Variants in EEF2 observed in about 807,000 individuals in gnomAD.
EEF2 encodes elongation factor 2.
A neutral mutation model predicts 85.3 loss-of-function variants in EEF2; 21 were observed. That is an observed-to-expected ratio of 0.25 (90% CI 0.17 to 0.35). The LOEUF (loss-of-function observed/expected upper bound fraction) is 0.35, where lower values mean the gene tolerates loss of function less well. Ranked by LOEUF, EEF2 falls within the 10% of genes least tolerant of loss-of-function variation. EEF2 has a pLI of 1.00. For synonymous variants in EEF2, 723 were observed against 508.8 expected (o/e 1.42, Z -5.67); for missense variants, 825 against 1,225.3 (o/e 0.67, Z 4.88).
Position 3,984,049 on chromosome 19 carries a change from G to A in EEF2, c.218+87C>T, listed in dbSNP as rs974914795. On this transcript the variant is annotated intron_variant, in intron 2 of 14. Transcript: ENST00000309311. ...AACCAGGGGAAAGAGACGTTGCCAA[G>A]TCTCTCCCCGCGCACCCTGGCCCAG... 1.7e-5 allele frequency: 24 copies of A among 1,440,390 alleles called. No individual in the cohort carries two copies. The Admixed American group carries it at 3.8e-4, about 23-fold the overall frequency. 89.2% of individuals were successfully genotyped at this position (1,440,390 alleles called of 1,614,324 possible). A position where few individuals can be genotyped will look rare whatever the true frequency, so the allele number is the denominator to read the frequency against.
At position 3,977,827 on chromosome 19, in the gene EEF2, T is replaced by A. The variant is rs751952139; in HGVS notation, c.2059A>T (p.Thr687Ser). The A allele has an allele frequency of 2.5e-6, 4 of 1,579,280 alleles. No individual in the cohort carries two copies. The highest frequency in any genetic ancestry group is 2.6e-6 in the Non-Finnish European group (3 of 1,157,432). Residue 687 changes from threonine to serine, a missense_variant, in exon 12 of 15, where the codon ACC becomes TCC. Physicochemically the swap from Thr to Ser is moderately conservative, Grantham distance 58 (BLOSUM62 1). Coordinates refer to ENST00000309311, the MANE Select transcript of EEF2 (RefSeq NM_001961.4). This position sits in a 1 kb window ranked among gnomAD's most constrained non-coding sequence, Gnocchi z 5.4. ...DSVVAGFQWA[T>S]KEGALCEENM... Reference sequence around the variant, plus strand: ...GCTGAGCCGTGCCTCACCTCCTTGGTGGCCCACTGGAAGCCGGCCACCACA... The same window carrying A: ...GCTGAGCCGTGCCTCACCTCCTTGGAGGCCCACTGGAAGCCGGCCACCACA...
In EEF2 at chr19:3,983,301, G is replaced by A. The variant is rs371586634; in HGVS notation, c.219-10C>T. On this transcript the variant is annotated splice_polypyrimidine_tract_variant and intron_variant, in intron 2 of 14. Transcript: ENST00000309311. Reference sequence around the variant, plus strand: ...GAAGAGGGAGATGGCACTGATGGAGGGAGGGACTCGTCAGGGGGACAGGAG... The same window carrying A: ...GAAGAGGGAGATGGCACTGATGGAGAGAGGGACTCGTCAGGGGGACAGGAG... 1.4e-5 allele frequency: 22 copies of A among 1,611,420 alleles called. No homozygotes were observed. Among genetic ancestry groups the A allele is most frequent in the African/African-American group, 5.3e-5 (4 of 74,808 alleles).
At chr19:3,981,572 AG>A in intron 6 of EEF2, 120 bp from the exon 7 acceptor site, 1 of 947,840 alleles carries the variant, frequency 1.1e-6, no homozygotes, top group South Asian at 1.4e-5. Flanking sequence ...GAGCAGGAGC[AG>A]GCCTGGCCTG....
rs2145358927 is a variant in EEF2 at position 3,979,338 on chromosome 19, G to A, written c.1704C>T (p.Ile568=). 3 of 1,613,900 alleles carry A rather than the reference G, an allele frequency of 1.9e-6. No individual in the cohort carries two copies. The highest frequency in any genetic ancestry group is 4.5e-5 in the East Asian group (2 of 44,888). ...GTCACTGGCGCCTCACCTTGATGGG[G>A]ATGCAGGCGTGGTCCTCCTCCAGGT... is the stretch of plus-strand genomic sequence containing the variant. ...LKDLEEDHAC[I]PIKKSDPVVS... Residue 568 remains isoleucine, a synonymous_variant, in exon 11 of 15, where the codon ATC becomes ATT. Transcript: ENST00000309311.
Position 3,976,237 on chromosome 19 carries a change from A to C in EEF2, c.*317T>G. 1 of 364,272 alleles carries C rather than the reference A, an allele frequency of 2.7e-6. No individual in the cohort carries two copies. The highest frequency in any genetic ancestry group is 3.1e-5 in the South Asian group (1 of 32,436). The allele number at this position is 364,272 out of a possible 1,614,324, so 22.6% of individuals were successfully genotyped here. On this transcript the variant is annotated 3_prime_UTR_variant, in exon 15 of 15. Coordinates refer to ENST00000309311, the MANE Select transcript of EEF2 (RefSeq NM_001961.4). ...TAAACCTCTTAATGCGTTTGTTAAA[A>C]TTAGTTTGGACATCTGAGTTTCCCT... is the stretch of plus-strand genomic sequence containing the variant.
At chr19:3,979,291 G>A (rs751773224) in intron 11 of EEF2, 38 bp downstream of exon 11, 2 of 1,546,408 alleles carry the variant, frequency 1.3e-6, no homozygotes, top group Non-Finnish European at 8.9e-7. Context: ...CAGGTGTCCG[G>A]GGTGGGGCGT....
In EEF2 at chr19:3,978,026, G is replaced by C. The variant is rs781090546; in HGVS notation, c.1860C>G (p.Gly620=). Residue 620 remains glycine (G), a synonymous_variant, in exon 12 of 15, where the codon GGC becomes GGG. Coordinates refer to ENST00000309311, the MANE Select transcript of EEF2 (RefSeq NM_001961.4). ...PDGLAEDIDK[G]EVSARQELKQ... ...TGAGCTCCTGACGGGCGGACACCTC[G>C]CCTTTATCGATGTCCTCGGCCAGGC... The C allele has an allele frequency of 6.2e-7, 1 of 1,606,242 alleles. No homozygotes were observed. Among genetic ancestry groups the C allele is most frequent in the South Asian group, 1.1e-5 (1 of 90,342 alleles).
rs375845489 is a variant in EEF2, at chr19:3,981,447, A to G, written c.903T>C (p.Phe301=). 129 of 1,613,688 alleles carry G rather than the reference A, an allele frequency of 8.0e-5. 1 individual carries two copies. The South Asian group carries it at 1.3e-3, about 16-fold the overall frequency. ...QLILDPIFKV[F]DAIMNFKKEE... ...CTTTCTTGAAATTCATGATCGCATCAAACACCTACATTCCCCACCAAGAAA... is the reference window on the plus strand; with the variant it reads ...CTTTCTTGAAATTCATGATCGCATCGAACACCTACATTCCCCACCAAGAAA... Residue 301 remains phenylalanine, a synonymous_variant, in exon 7 of 15, where the codon TTT becomes TTC. Transcript: ENST00000309311.
rs913826359 is a variant in EEF2 at position 3,977,735 on chromosome 19, G to A, written c.2067+84C>T. On this transcript the variant is annotated intron_variant, in intron 12 of 14. Transcript: ENST00000309311. This position sits in a 1 kb window ranked among gnomAD's most constrained non-coding sequence, Gnocchi z 5.4. The stretch of plus-strand genomic sequence containing the variant: ...CCTTGCCCGCCTTGGCCCCATTAGG[G>A]TCTCTGTCTCGGGAGGCAGGACCAT... 15 of 1,493,104 alleles carry A rather than the reference G, an allele frequency of 1.0e-5. No homozygotes were observed. Among genetic ancestry groups the A allele is most frequent in the Middle Eastern group, 2.0e-4 (1 of 5,008 alleles). The allele number at this position is 1,493,104 out of a possible 1,614,324, so 92.5% of individuals were successfully genotyped here.
At chr19:3,983,411 A>C in intron 2 of EEF2, 120 bp from the exon 3 acceptor site, 1 of 1,061,512 alleles carries the variant, frequency 9.4e-7, no homozygotes, top group Non-Finnish European at 1.3e-6. Flanking sequence ...AGAGGCTCCC[A>C]CAAGAGCCAA....
rs1361605481 is a variant in EEF2, at chr19:3,976,358, C to T, written c.*196G>A. On this transcript the variant is annotated 3_prime_UTR_variant, in exon 15 of 15. Transcript: ENST00000309311. ...ACTAAGAGGGCGTGTCTGCTGCCTC[C>T]GGACTCTGGAAATAAATATTGAAAG... 4 of 645,542 alleles carry T rather than the reference C, an allele frequency of 6.2e-6. 1 individual carries two copies. Among genetic ancestry groups the T allele is most frequent in the South Asian group, 2.0e-5 (1 of 50,836 alleles). 40.0% of individuals were successfully genotyped at this position (645,542 alleles called of 1,614,324 possible).
At position 3,977,867 on chromosome 19, in the gene EEF2, G is replaced by A. The variant is rs149651258; in HGVS notation, c.2019C>T (p.Asn673=). Residue 673 remains asparagine (N), a synonymous_variant, in exon 12 of 15, where the codon AAC becomes AAT. Transcript: ENST00000309311. The surrounding 1 kb of genome is among the most constrained non-coding windows in gnomAD (Gnocchi z 5.4). ...CGGCCACCACACTGTCCTTGATCTC[G>A]TTGAGGTACTGCACACCCTTGGTGA... ...TDITKGVQYL[N]EIKDSVVAGF... 57 of 1,611,012 alleles carry A rather than the reference G, an allele frequency of 3.5e-5. No homozygotes were observed. Among genetic ancestry groups the A allele is most frequent in the Admixed American group, 5.0e-5 (3 of 59,856 alleles).
rs763593671 is a variant in EEF2, at chr19:3,977,354, G to C, written c.2251-7C>G. ...CGACCACCTGCTCTGGACACTGCCA[G>C]AAGGGAAAGAAAACCTGTCAGTGGC... On this transcript the variant is annotated splice_region_variant and splice_polypyrimidine_tract_variant and intron_variant, in intron 13 of 14. Transcript: ENST00000309311. This position sits in a 1 kb window ranked among gnomAD's most constrained non-coding sequence, Gnocchi z 5.4. 13 of 1,590,344 alleles carry C rather than the reference G, an allele frequency of 8.2e-6. No individual in the cohort carries two copies. The Admixed American group carries it at 2.2e-4, about 27-fold the overall frequency.
At position 3,978,053 on chromosome 19, in the gene EEF2, G is replaced by A. The variant is rs375212891; in HGVS notation, c.1833C>T (p.Asp611=). 53 of 1,591,536 alleles carry A rather than the reference G, an allele frequency of 3.3e-5. No homozygotes were observed. Among genetic ancestry groups the A allele is most frequent in the African/African-American group, 2.3e-4 (17 of 74,456 alleles). The change falls in exon 12 of 15, where the codon GAC becomes GAT. Residue 611 remains aspartate, a synonymous_variant. Transcript: ENST00000309311. ...CTTTATCGATGTCCTCGGCCAGGCC[G>A]TCGGGGAAGGGCCGCGCCTTCATGT... ...RLYMKARPFP[D]GLAEDIDKGE...
intron 1 of EEF2, 121 bp downstream of exon 1, chr19:3,985,257 G>A (rs1174147290): frequency 1.3e-5 from 15 of 1,160,910 alleles, no homozygotes; most frequent in African/African-American, 1.6e-5. Flanking sequence ...CGGGTCCTCC[G>A]GCCCCGCCGC....
At chr19:3,979,486 CG>C (rs756589136) in intron 10 of EEF2, 50 bp from the exon 11 acceptor site, 1 of 1,493,506 alleles carries the variant, frequency 6.7e-7, no homozygotes, top group South Asian at 1.2e-5. Flanking sequence ...TCGGAACAGG[CG>C]GGACCAGGCT....
At chr19:3,983,448 G>A (rs776595374) in intron 2 of EEF2, among the ~76,000 whole-genome samples, 157 bp from the exon 3 acceptor site, 23 of 151,948 alleles carry the variant, frequency 1.5e-4, no homozygotes, top group Non-Finnish European at 2.8e-4. Flanking sequence ...GCCTCTGTCC[G>A]AGACATGCCA....
chr19:3,983,600 G>A (rs1234885959), intron 2 of EEF2, among the ~76,000 whole-genome samples: 2 of 152,096 alleles, frequency 1.3e-5, no homozygotes, highest in Non-Finnish European at 2.9e-5. Flanking sequence ...CAGCAGGACG[G>A]CAAAAGCCTC....
rs1330499056 is a variant in EEF2 at position 3,979,230 on chromosome 19, CAAGT to C, written c.1713+95_1713+98del. ...AAGAAGCTGAGACCAAGACCGAGATCAAGTCTAGGCGTCTGCAGAGCCTAGCTCA... is the reference window on the plus strand; with the variant it reads ...AAGAAGCTGAGACCAAGACCGAGATCCTAGGCGTCTGCAGAGCCTAGCTCA... On this transcript the variant is annotated intron_variant, in intron 11 of 14. Coordinates refer to ENST00000309311, the MANE Select transcript of EEF2 (RefSeq NM_001961.4). The C allele has an allele frequency of 1.0e-5, 9 of 887,764 alleles. No homozygotes were observed. In the East Asian group the frequency reaches 2.2e-4, roughly 22 times the overall value. 55.0% of individuals were successfully genotyped at this position (887,764 alleles called of 1,614,324 possible).
Sources: allele counts gnomAD v4.1 joint callset (sites outside exome capture counted in the v4.1 genomes callset), GRCh38; gene constraint gnomAD v4.1.1; non-coding constraint Gnocchi (gnomAD v3.1); transcripts MANE v1.5; gene names NCBI Gene and HGNC (gene_info 2026-07-23, HGNC 2026-07-21).